Variants in LOXL2 observed in about 807,000 individuals in gnomAD.
LOXL2 encodes lysyl oxidase like 2, also known as lysyl oxidase homolog 2.
Under a neutral mutation model 93.0 loss-of-function variants are expected in LOXL2, and 70 were observed. The observed-to-expected ratio is 0.75, with a 90% confidence interval of 0.62 to 0.92. The LOEUF (loss-of-function observed/expected upper bound fraction) is 0.92, where lower values mean the gene tolerates loss of function less well. LOXL2 is among the 40% of genes least tolerant of loss of function. LOXL2 has a pLI of 0.00. For missense variants in LOXL2, 973 were observed against 1,054.9 expected, an observed-to-expected ratio of 0.92 and a Z score of 1.08; for synonymous variants, 438 against 413.2, an observed-to-expected ratio of 1.06 and a Z score of -0.73.
chr8:23,374,347 C>A (rs1025011223), intron 1 of LOXL2, among the ~76,000 whole-genome samples: 1 of 152,214 alleles, frequency 6.6e-6, no homozygotes, highest in East Asian at 1.9e-4. Flanking sequence ...TCCAGTCTAT[C>A]TTTGATGAAC....
chr8:23,359,597 G>T (rs1471775392), intron 3 of LOXL2, among the ~76,000 whole-genome samples: 2 of 152,202 alleles, frequency 1.3e-5, no homozygotes, highest in African/African-American at 4.8e-5. Context: ...ACGCTGAGGA[G>T]AATCAAGTAG....
At chr8:23,347,146 C>T (rs529564180) in intron 3 of LOXL2, among the ~76,000 whole-genome samples, 37 of 146,568 alleles carry the variant, frequency 2.5e-4, no homozygotes, top group African/African-American at 9.3e-4. Flanking sequence ...TGGTGAGACC[C>T]TATCTCTACT....
chr8:23,312,281 C>G (rs998783215), intron 9 of LOXL2, among the ~76,000 whole-genome samples: 2 of 148,582 alleles, frequency 1.3e-5, no homozygotes, highest in South Asian at 4.4e-4. Flanking sequence ...AAGAGGGAAT[C>G]CTCCCTAACT....
At chr8:23,363,154 C>G (rs1804330230) in intron 2 of LOXL2, 1 of 152,224 alleles carries the variant, frequency 6.6e-6, no homozygotes, top group Non-Finnish European at 1.5e-5. Context: ...CATTCTACTG[C>G]TTCCACGATG....
intron 1 of LOXL2, among the ~76,000 whole-genome samples, chr8:23,369,774 G>C (rs949078419): frequency 3.3e-5 from 5 of 152,144 alleles, no homozygotes; most frequent in African/African-American, 9.7e-5. Context: ...AGTGATGGAG[G>C]GTTCCTGTGA....
chr8:23,317,171 A>T (rs1803416733), intron 8 of LOXL2, 57 bp from the exon 9 acceptor site: 6 of 1,553,672 alleles, frequency 3.9e-6, no homozygotes, highest in Admixed American at 1.7e-5. Context: ...TCACTTTCTC[A>T]TATCCTATCA....
chr8:23,401,069 C>T (rs1196816160), intron 1 of LOXL2, among the ~76,000 whole-genome samples: 1 of 152,218 alleles, frequency 6.6e-6, no homozygotes, highest in African/African-American at 2.4e-5. Context: ...ACCAGAACCA[C>T]CGAAGCCCAG....
At chr8:23,320,161 G>C (rs537986175) in intron 7 of LOXL2, 109 bp from the exon 8 acceptor site, 2 of 1,164,414 alleles carry the variant, frequency 1.7e-6, no homozygotes, top group South Asian at 1.4e-5. Context: ...GGTGCTGCCC[G>C]GGACACACTC....
intron 2 of LOXL2, chr8:23,365,176 G>A (rs1202644498): frequency 1.3e-5 from 2 of 152,402 alleles, no homozygotes; most frequent in Non-Finnish European, 2.9e-5. Flanking sequence ...CCAGCCTGAA[G>A]TTCAGAGGAG....
chr8:23,297,963 G>T lies in LOXL2; in HGVS notation c.*80C>A. On this transcript the variant is annotated 3_prime_UTR_variant, in exon 14 of 14. Coordinates refer to ENST00000389131, the MANE Select transcript of LOXL2 (RefSeq NM_002318.3). ...GGCTGGGTGAGGGCACGTGGCATTCGTTCAGACTCAGTTGTTGGGGGGAAG... is the reference window on the plus strand; with the variant it reads ...GGCTGGGTGAGGGCACGTGGCATTCTTTCAGACTCAGTTGTTGGGGGGAAG... 1 of 1,247,312 alleles carries T rather than the reference G, an allele frequency of 8.0e-7. No individual in the cohort carries two copies. Among genetic ancestry groups the T allele is most frequent in the Non-Finnish European group, 1.2e-6 (1 of 860,964 alleles). 77.3% of individuals were successfully genotyped at this position (1,247,312 alleles called of 1,614,324 possible).
chr8:23,327,122 T>C (rs115255228), intron 6 of LOXL2, among the ~76,000 whole-genome samples: 1 of 152,212 alleles, frequency 6.6e-6, no homozygotes, highest in Non-Finnish European at 1.5e-5. Context: ...TCGAGGCCAC[T>C]GGAATGCGGG....
At chr8:23,347,527 G>A (rs1489207045) in intron 3 of LOXL2, among the ~76,000 whole-genome samples, 1 of 152,056 alleles carries the variant, frequency 6.6e-6, no homozygotes, top group East Asian at 1.9e-4. Flanking sequence ...CCAGACATCT[G>A]TAATCCCAGC....
intron 3 of LOXL2, among the ~76,000 whole-genome samples, chr8:23,347,757 C>A (rs1403197463): frequency 6.6e-6 from 1 of 151,972 alleles, no homozygotes; most frequent in South Asian, 2.1e-4. Flanking sequence ...TAGCTTGAGG[C>A]CAGGAGTCCA....
At chr8:23,361,849 C>A (rs1352331648) in intron 2 of LOXL2, among the ~76,000 whole-genome samples, 1 of 102,390 alleles carries the variant, frequency 9.8e-6, no homozygotes, top group African/African-American at 4.2e-5. Flanking sequence ...AAAAACAAAA[C>A]AAAACAAAAC....
chr8:23,303,365 T>C lies in LOXL2; in HGVS notation c.1913A>G (p.Tyr638Cys), dbSNP rs755879754. ...HYHSMEVFTHYDLLNLNGTKV... is the reference protein window; with the variant it reads ...HYHSMEVFTHCDLLNLNGTKV... ...GGTGCCATTGAGGTTCAGCAGGTCATAGTGGGTGAACACCTCCATGCTGTG... is the reference window on the plus strand; with the variant it reads ...GGTGCCATTGAGGTTCAGCAGGTCACAGTGGGTGAACACCTCCATGCTGTG... Residue 638 changes from tyrosine (Y) to cysteine (C), a missense_variant, in exon 11 of 14, where the codon TAT becomes TGT. By Grantham distance (194) the Tyr-to-Cys change is radical. Coordinates refer to ENST00000389131, the MANE Select transcript of LOXL2 (RefSeq NM_002318.3). 2 of 1,612,876 alleles carry C rather than the reference T, an allele frequency of 1.2e-6. No homozygotes were observed. The highest frequency in any genetic ancestry group is 2.2e-5 in the East Asian group (1 of 44,856).
intron 2 of LOXL2, chr8:23,364,060 G>C (rs1317294330): frequency 6.6e-6 from 1 of 152,190 alleles, no homozygotes; most frequent in Non-Finnish European, 1.5e-5. Flanking sequence ...TTTTTTGGTA[G>C]AGATAGGATT....
intron 1 of LOXL2, among the ~76,000 whole-genome samples, chr8:23,402,121 C>A (rs1800159114): frequency 6.6e-6 from 1 of 152,070 alleles, no homozygotes. Context: ...TACACATATA[C>A]ACATACAGGT....
intron 3 of LOXL2, among the ~76,000 whole-genome samples, chr8:23,356,181 C>T (rs889053145): frequency 2.6e-5 from 4 of 152,130 alleles, no homozygotes; most frequent in African/African-American, 7.2e-5. Context: ...ATGGGGAGGC[C>T]GGAACAGAGC....
chr8:23,356,367 T>A (rs1342120722), intron 3 of LOXL2, among the ~76,000 whole-genome samples: 1 of 152,252 alleles, frequency 6.6e-6, no homozygotes, highest in Admixed American at 6.5e-5. Context: ...CTGGGAGGAA[T>A]GATCCTATGA....
Sources: gnomAD v4.1 joint callset for allele counts (sites outside exome capture counted in the v4.1 genomes callset) on GRCh38, gnomAD v4.1.1 for gene constraint, MANE v1.5 for transcripts, NCBI Gene and HGNC (gene_info 2026-07-23, HGNC 2026-07-21) for gene names.